Variants in GNG12 observed in about 807,000 individuals in gnomAD.
GNG12 encodes the protein G protein subunit gamma 12.
For missense variants in GNG12, 69 were observed against 83.8 expected (o/e 0.82, Z 0.69); for synonymous variants, 28 against 29.7 (o/e 0.94, Z 0.19).
In GNG12 at chr1:67,746,535, G is replaced by A. The variant is rs184382195; in HGVS notation, c.-27+30923C>T. 2.7e-3 allele frequency among the ~76,000 whole-genome samples: 410 copies of A among 152,180 alleles called. 2 individuals carry two copies. The highest frequency in any genetic ancestry group is 8.8e-3 in the African/African-American group (366 of 41,538). Reference sequence around the variant, plus strand: ...GGCATTCGGAGGGAGCTATGGGGGCGGGGGAGGTGGTCACACCAGCTCTTC... The same window carrying A: ...GGCATTCGGAGGGAGCTATGGGGGCAGGGGAGGTGGTCACACCAGCTCTTC... On this transcript the variant is annotated intron_variant, in intron 2 of 3. Transcript: ENST00000370982.
chr1:67,742,984 C>T (rs912385255), intron 2 of GNG12, among the ~76,000 whole-genome samples: 2 of 152,070 alleles, frequency 1.3e-5, no homozygotes, highest in Non-Finnish European at 2.9e-5. Flanking sequence ...GATAAATCCT[C>T]TGATGGTGGC....
At chr1:67,761,629 G>A (rs1003504838) in intron 2 of GNG12, among the ~76,000 whole-genome samples, 3 of 152,178 alleles carry the variant, frequency 2.0e-5, no homozygotes, top group East Asian at 1.9e-4. Flanking sequence ...AGTGCAGGTC[G>A]ACTTGGCTCT....
intron 2 of GNG12, among the ~76,000 whole-genome samples, chr1:67,765,311 G>GA (rs1044351021): frequency 2.0e-5 from 3 of 151,270 alleles, no homozygotes; most frequent in Admixed American, 6.6e-5. Flanking sequence ...AGCAGAGAAA[G>GA]AAAAAAAACA....
chr1:67,792,711 A>C (rs749552256), intron 1 of GNG12, among the ~76,000 whole-genome samples: 1 of 152,134 alleles, frequency 6.6e-6, no homozygotes. Context: ...TTCAATGCCA[A>C]GTAGTTTGCC....
rs1305570426 is a variant in GNG12 at position 67,728,201 on chromosome 1, C to T, written c.-26-20489G>A. Among the ~76,000 whole-genome samples, 6 of 152,236 alleles carry T rather than the reference C, an allele frequency of 3.9e-5. No individual in the cohort carries two copies. The South Asian group carries it at 1.2e-3, about 32-fold the overall frequency. Reference sequence around the variant, plus strand: ...TCTTTTCATGCATCCAGGTGCAAGCCTCACCCCGTACCTCCAGAGTCAGAG... The same window carrying T: ...TCTTTTCATGCATCCAGGTGCAAGCTTCACCCCGTACCTCCAGAGTCAGAG... On this transcript the variant is annotated intron_variant, in intron 2 of 3. Coordinates refer to ENST00000370982, the MANE Select transcript of GNG12 (RefSeq NM_018841.6).
At chr1:67,728,549 C>T (rs1413285171) in intron 2 of GNG12, among the ~76,000 whole-genome samples, 1 of 152,096 alleles carries the variant, frequency 6.6e-6, no homozygotes, top group Non-Finnish European at 1.5e-5. Context: ...TCATAATGAT[C>T]AATACGGGGA....
chr1:67,749,702 G>A (rs147108298), intron 2 of GNG12, among the ~76,000 whole-genome samples: 2 of 152,306 alleles, frequency 1.3e-5, no homozygotes, highest in East Asian at 3.9e-4. Flanking sequence ...TGGCAAGGCA[G>A]CCTCAGCCAC....
chr1:67,749,493 C>T (rs1179174533), intron 2 of GNG12, among the ~76,000 whole-genome samples: 1 of 152,126 alleles, frequency 6.6e-6, no homozygotes, highest in Non-Finnish European at 1.5e-5. Flanking sequence ...GTCATCCTTT[C>T]CCCCACTGCA....
rs544717746 is a variant in GNG12 at position 67,823,944 on chromosome 1, GA to G, written c.-77+9399del. ...TAAACCATGGTACATCCACATGATG[GA>G]AAACTTGTTATTCTGTGTGTGTGTG... On this transcript the variant is annotated intron_variant, in intron 1 of 3. Transcript: ENST00000370982. 3.2e-3 allele frequency among the ~76,000 whole-genome samples: 482 copies of G among 152,306 alleles called. 2 individuals carry two copies. The highest frequency in any genetic ancestry group is 0.011 in the African/African-American group (462 of 41,564).
At chr1:67,711,984 G>C (rs1646298186) in intron 2 of GNG12, among the ~76,000 whole-genome samples, 1 of 152,226 alleles carries the variant, frequency 6.6e-6, no homozygotes, top group Admixed American at 6.5e-5. Flanking sequence ...GCTGCACAAA[G>C]AGGGCCACTG....
chr1:67,827,129 G>A (rs976917030), intron 1 of GNG12, among the ~76,000 whole-genome samples: 2 of 152,200 alleles, frequency 1.3e-5, no homozygotes, highest in African/African-American at 4.8e-5. Flanking sequence ...GTGAGCATGT[G>A]TGATCACGCA....
intron 2 of GNG12, among the ~76,000 whole-genome samples, chr1:67,725,844 T>A (rs592067): frequency 1.3e-5 from 2 of 152,184 alleles, no homozygotes; most frequent in Non-Finnish European, 2.9e-5. Context: ...AGAAATATTA[T>A]TTCAAGTTCA....
intron 2 of GNG12, among the ~76,000 whole-genome samples, chr1:67,747,893 T>C (rs918324684): frequency 6.6e-6 from 1 of 152,182 alleles, no homozygotes; most frequent in Non-Finnish European, 1.5e-5. Flanking sequence ...ACGTATGCTA[T>C]GCAAACAATG....
chr1:67,763,426 G>A (rs780500274), intron 2 of GNG12, among the ~76,000 whole-genome samples: 24 of 152,126 alleles, frequency 1.6e-4, no homozygotes, highest in Admixed American at 3.3e-4. Context: ...GTAAGTGCTG[G>A]TTATTTTGTG....
At chr1:67,816,252 C>T (rs780578110) in intron 1 of GNG12, among the ~76,000 whole-genome samples, 3 of 152,120 alleles carry the variant, frequency 2.0e-5, no homozygotes, top group Admixed American at 6.5e-5. Context: ...CTTTGCCCCA[C>T]CCACCCTAAT....
intron 2 of GNG12, among the ~76,000 whole-genome samples, chr1:67,731,787 C>G (rs1646421536): frequency 6.6e-6 from 1 of 152,200 alleles, no homozygotes; most frequent in African/African-American, 2.4e-5. Context: ...TGATCTCTTC[C>G]TCCTTCGAGG....
chr1:67,709,961 G>T (rs1373327105), intron 2 of GNG12, among the ~76,000 whole-genome samples: 3 of 29,786 alleles, frequency 1.0e-4, no homozygotes, highest in Admixed American at 6.4e-4. Context: ...TATATATATA[G>T]TTATATATAT....
intron 2 of GNG12, among the ~76,000 whole-genome samples, chr1:67,743,429 T>TA (rs1646493365): frequency 6.6e-6 from 1 of 152,180 alleles, no homozygotes; most frequent in African/African-American, 2.4e-5. Flanking sequence ...CATAAATGTC[T>TA]CCATACAGCA....
chr1:67,784,728 T>A lies in GNG12; in HGVS notation c.-76-7221A>T, dbSNP rs1024480432. Among the ~76,000 whole-genome samples the A allele has an allele frequency of 5.3e-5, 8 of 152,328 alleles. No homozygotes were observed. In the East Asian group the frequency reaches 1.5e-3, roughly 29 times the overall value. On this transcript the variant is annotated intron_variant, in intron 1 of 3. Coordinates refer to ENST00000370982, the MANE Select transcript of GNG12 (RefSeq NM_018841.6). ...AGGTAATATATGCATTTGCTACAAA[T>A]AGATTCCCAAAACTTACGCAATTTT...
Sources: allele counts gnomAD v4.1 joint callset (sites outside exome capture counted in the v4.1 genomes callset), GRCh38; gene constraint gnomAD v4.1.1; transcripts MANE v1.5; gene names NCBI Gene and HGNC (gene_info 2026-07-23, HGNC 2026-07-21).